The following STAMBPL1 variants were observed in gnomAD, a reference collection of about 807,000 sequenced individuals.
The protein encoded by STAMBPL1 is STAM binding protein like 1, also known as AMSH-like protease.
Under a neutral mutation model 52.9 loss-of-function variants are expected in STAMBPL1, and 44 were observed. The observed-to-expected ratio is 0.83, with a 90% CI of 0.65 to 1.07. STAMBPL1 has a LOEUF of 1.07. STAMBPL1 is among the 50% of genes least tolerant of loss of function. The pLI is 0.00. For missense variants in STAMBPL1, 511 were observed against 520.8 expected (o/e 0.98, Z 0.18); for synonymous variants, 164 against 177.3 (o/e 0.92, Z 0.60).
intron 1 of STAMBPL1, among the ~76,000 whole-genome samples, chr10:88,889,740 G>C (rs1312013483): frequency 1.3e-5 from 2 of 152,138 alleles, no homozygotes; most frequent in African/African-American, 2.4e-5. Flanking sequence ...AACCACAGTA[G>C]TCATCAAAAT....
At chr10:88,907,108 A>G (rs1845094687) in intron 3 of STAMBPL1, among the ~76,000 whole-genome samples, 1 of 152,088 alleles carries the variant, frequency 6.6e-6, no homozygotes, top group South Asian at 2.1e-4. Context: ...TCTACATTGT[A>G]AGTGAGATCA....
chr10:88,909,787 G>T (rs1258483193), intron 4 of STAMBPL1, among the ~76,000 whole-genome samples: 1 of 152,106 alleles, frequency 6.6e-6, no homozygotes, highest in African/African-American at 2.4e-5. Context: ...TTTTAATAGA[G>T]ATGGGGTTTC....
chr10:88,917,159 A>G (rs750379930), intron 8 of STAMBPL1, among the ~76,000 whole-genome samples: 1 of 152,206 alleles, frequency 6.6e-6, no homozygotes, highest in African/African-American at 2.4e-5. Flanking sequence ...GATTTGTTTT[A>G]GATGATTTTA....
In STAMBPL1 at chr10:88,910,910, T is replaced by C; in HGVS notation, c.325-6T>C. 2 of 1,571,522 alleles carry C rather than the reference T, an allele frequency of 1.3e-6. No individual in the cohort carries two copies. Among genetic ancestry groups the C allele is most frequent in the Non-Finnish European group, 1.7e-6 (2 of 1,162,224 alleles). On this transcript the variant is annotated splice_polypyrimidine_tract_variant and splice_region_variant and intron_variant, in intron 4 of 10. Transcript: ENST00000371926. ...ACTAATCAATATGTATATATATTTT[T>C]AAAAGAAACTGAAGGAGATTGCATT...
At chr10:88,899,315 C>G (rs1285892150) in intron 1 of STAMBPL1, among the ~76,000 whole-genome samples, 2 of 152,148 alleles carry the variant, frequency 1.3e-5, no homozygotes, top group Non-Finnish European at 2.9e-5. Context: ...ACAATACCTA[C>G]TTGTGGGCTT....
At chr10:88,913,772 T>A (rs917438284) in intron 6 of STAMBPL1, among the ~76,000 whole-genome samples, 1 of 140,542 alleles carries the variant, frequency 7.1e-6, no homozygotes, top group East Asian at 2.0e-4. Flanking sequence ...AACTAAGAAA[T>A]ACATACATCT....
chr10:88,889,754 T>C (rs1844629645), intron 1 of STAMBPL1, among the ~76,000 whole-genome samples: 1 of 152,204 alleles, frequency 6.6e-6, no homozygotes, highest in Admixed American at 6.5e-5. Context: ...TCAAAATCAG[T>C]AAATTAACAC....
rs1385762887 is a variant in STAMBPL1, at chr10:88,905,539, A to G, written c.127A>G (p.Ser43Gly). The change falls in exon 3 of 11, where the codon AGT becomes GGT. Residue 43 changes from serine to glycine, a missense_variant. Ser to Gly is a moderately conservative substitution (Grantham distance 56). Around this residue, in one of 3 missense-constraint regions of STAMBPL1, gnomAD observed 358 missense variants for 343.5 expected, o/e 1.04. Coordinates refer to ENST00000371926, the MANE Select transcript of STAMBPL1 (RefSeq NM_020799.4). Reference sequence around the variant, plus strand: ...CAAGCTTGGTTGTAATATCACCATCAGTGAAGACATCACTCCACGACGTTA... The same window carrying G: ...CAAGCTTGGTTGTAATATCACCATCGGTGAAGACATCACTCCACGACGTTA... ...LSKLGCNITI[S>G]EDITPRRYFR... 1 of 1,614,146 alleles carries G rather than the reference A, an allele frequency of 6.2e-7. No individual in the cohort carries two copies. The highest frequency in any genetic ancestry group is 8.5e-7 in the Non-Finnish European group (1 of 1,179,984).
At chr10:88,881,610 A>ATTG (rs1844407563) in intron 1 of STAMBPL1, among the ~76,000 whole-genome samples, 1 of 152,200 alleles carries the variant, frequency 6.6e-6, no homozygotes, top group African/African-American at 2.4e-5. Flanking sequence ...CTCATGATTT[A>ATTG]AGGCCCTGTC....
At chr10:88,901,102 A>G (rs1844932731) in intron 1 of STAMBPL1, 2 of 152,234 alleles carry the variant, frequency 1.3e-5, no homozygotes, top group African/African-American at 4.8e-5. Flanking sequence ...GTGATTCAAC[A>G]TATTCATGGG....
At position 88,912,850 on chromosome 10, in the gene STAMBPL1, A is replaced by C. The variant is rs1845261639; in HGVS notation, c.421-251A>C. ...TTTCCAGTATTTAAAAGCATTAGGG[A>C]ATGAAGGGATCCTGATTGTCATGGC... is the stretch of plus-strand genomic sequence containing the variant. On this transcript the variant is annotated intron_variant, in intron 5 of 10. Coordinates refer to ENST00000371926, the MANE Select transcript of STAMBPL1 (RefSeq NM_020799.4). 9.2e-6 allele frequency: 4 copies of C among 434,200 alleles called. No homozygotes were observed. The South Asian group carries it at 1.4e-4, about 15-fold the overall frequency. The allele number at this position is 434,200 out of a possible 1,614,324, so 26.9% of individuals were successfully genotyped here.
At chr10:88,916,164 C>T (rs907063479) in intron 7 of STAMBPL1, among the ~76,000 whole-genome samples, 2 of 152,080 alleles carry the variant, frequency 1.3e-5, no homozygotes, top group African/African-American at 4.8e-5. Flanking sequence ...GTCCTCCCAG[C>T]ATTCGAAGAA....
chr10:88,892,055 T>C (rs781361306), intron 1 of STAMBPL1, among the ~76,000 whole-genome samples: 1 of 151,926 alleles, frequency 6.6e-6, no homozygotes, highest in Non-Finnish European at 1.5e-5. Flanking sequence ...AATAAAGATA[T>C]ATCAAGAAAA....
chr10:88,891,944 A>C (rs11202881), intron 1 of STAMBPL1, among the ~76,000 whole-genome samples: 12,458 of 152,174 alleles, frequency 0.082, 1,141 homozygotes, highest in African/African-American at 0.22. Context: ...AATGAAAAAT[A>C]ACAGTTGGGT....
At chr10:88,889,571 A>G (rs779751869) in intron 1 of STAMBPL1, among the ~76,000 whole-genome samples, 3 of 152,170 alleles carry the variant, frequency 2.0e-5, no homozygotes, top group Admixed American at 6.5e-5. Flanking sequence ...AAACTTTTTT[A>G]TTCTTTTACT....
intron 3 of STAMBPL1, 80 bp from the exon 4 acceptor site, chr10:88,908,621 AG>A: frequency 8.6e-7 from 1 of 1,160,634 alleles, no homozygotes; most frequent in Non-Finnish European, 1.2e-6. Flanking sequence ...TTTTTGAAAA[AG>A]GATCCTCATT....
Position 88,908,250 on chromosome 10 carries a change from G to A in STAMBPL1, c.249-452G>A, listed in dbSNP as rs773343435. Among the ~76,000 whole-genome samples, 15 of 151,986 alleles carry A rather than the reference G, an allele frequency of 9.9e-5. No individual in the cohort carries two copies. The South Asian group carries it at 1.2e-3, about 13-fold the overall frequency. Reference sequence around the variant, plus strand: ...TCACTTTTCTTAGTTATGAGTTTTCGGTTAAGAGTTTTTTGATACACGATG... The same window carrying A: ...TCACTTTTCTTAGTTATGAGTTTTCAGTTAAGAGTTTTTTGATACACGATG... On this transcript the variant is annotated intron_variant, in intron 3 of 10. Transcript: ENST00000371926.
chr10:88,894,503 C>T (rs1380130157), intron 1 of STAMBPL1, among the ~76,000 whole-genome samples: 1 of 152,172 alleles, frequency 6.6e-6, no homozygotes. Flanking sequence ...AATTAGAAAT[C>T]ATGTAGCACA....
intron 8 of STAMBPL1, among the ~76,000 whole-genome samples, chr10:88,919,974 C>A (rs1305983297): frequency 6.6e-6 from 1 of 151,906 alleles, no homozygotes; most frequent in African/African-American, 2.4e-5. Flanking sequence ...GTAGTTGAGA[C>A]TACAGGCACA....
Sources: gnomAD v4.1 joint callset for allele counts (sites outside exome capture counted in the v4.1 genomes callset) on GRCh38, gnomAD v4.1.1 for gene constraint, gnomAD v4.1.1 regional missense constraint, MANE v1.5 for transcripts, NCBI Gene and HGNC (gene_info 2026-07-23, HGNC 2026-07-21) for gene names.